Variants in SRGAP2 observed in about 807,000 individuals in gnomAD.
SRGAP2 encodes SLIT-ROBO Rho GTPase-activating protein 2.
A neutral mutation model predicts 57.2 loss-of-function variants in SRGAP2; 15 were observed. The ratio of observed to expected loss-of-function variants is 0.26; its 90% CI spans 0.18 to 0.40. The LOEUF is 0.40. SRGAP2 is among the 10% of genes least tolerant of loss of function. The probability of loss-of-function intolerance (pLI) is 1.00; values close to 1 mark genes in which losing one functional copy is unlikely to be tolerated. For synonymous variants in SRGAP2, 249 were observed against 248.0 expected, an observed-to-expected ratio of 1.00 and a Z score of -0.04; for missense variants, 520 against 669.6, an observed-to-expected ratio of 0.78 and a Z score of 2.47.
intron 4 of SRGAP2, among the ~76,000 whole-genome samples, chr1:206,346,932 A>G (rs1675674190): frequency 6.6e-6 from 1 of 151,904 alleles, no homozygotes; most frequent in Non-Finnish European, 1.5e-5. Flanking sequence ...TTATGAAGGA[A>G]GAAACTATGG....
chr1:206,309,269 C>G (rs1553323088), intron 3 of SRGAP2, among the ~76,000 whole-genome samples: 1 of 150,332 alleles, frequency 6.7e-6, no homozygotes, highest in Non-Finnish European at 1.5e-5. Context: ...CAGCTATTTT[C>G]AAGAGCAGTG....
chr1:206,322,081 TTATC>T (rs1461422940), intron 3 of SRGAP2, among the ~76,000 whole-genome samples: 2 of 148,980 alleles, frequency 1.3e-5, no homozygotes, highest in Non-Finnish European at 3.0e-5. Flanking sequence ...AGCTATTTCT[TTATC>T]TGTCTGTATA....
At chr1:206,397,258 C>T (rs535075568) in intron 7 of SRGAP2, among the ~76,000 whole-genome samples, 131 of 151,922 alleles carry the variant, frequency 8.6e-4, no homozygotes, top group African/African-American at 2.9e-3. Context: ...TTGCATGTAT[C>T]GGTAGTGTCT....
chr1:206,280,133 G>C (rs1255128356), intron 2 of SRGAP2, among the ~76,000 whole-genome samples: 1 of 151,648 alleles, frequency 6.6e-6, no homozygotes, highest in Non-Finnish European at 1.5e-5. Context: ...TTCCTCTTAA[G>C]ACAAGGTTTC....
intron 2 of SRGAP2, among the ~76,000 whole-genome samples, chr1:206,285,633 G>T (rs1381423185): frequency 6.6e-6 from 1 of 151,984 alleles, no homozygotes; most frequent in African/African-American, 2.4e-5. Flanking sequence ...ATTTGAAAGG[G>T]ATATTCTTAT....
At chr1:206,442,797 G>A (rs1484828149) in intron 17 of SRGAP2, among the ~76,000 whole-genome samples, 1 of 152,318 alleles carries the variant, frequency 6.6e-6, no homozygotes, top group Admixed American at 6.5e-5. Context: ...GACAGCAGCT[G>A]ACAGGTGTGC....
intron 13 of SRGAP2, among the ~76,000 whole-genome samples, chr1:206,422,230 T>C (rs1286892408): frequency 1.3e-5 from 2 of 152,344 alleles, no homozygotes; most frequent in Non-Finnish European, 2.9e-5. Context: ...TTTCTTCAGC[T>C]CATCTGACTG....
intron 2 of SRGAP2, among the ~76,000 whole-genome samples, chr1:206,228,927 G>A (rs1239839038): frequency 2.1e-4 from 32 of 149,746 alleles, no homozygotes; most frequent in Non-Finnish European, 4.0e-4. Context: ...TATACCAAGT[G>A]CAAGAACCTG....
chr1:206,287,232 C>T (rs1318606277), intron 2 of SRGAP2, among the ~76,000 whole-genome samples: 4 of 151,904 alleles, frequency 2.6e-5, no homozygotes, highest in African/African-American at 9.7e-5. Flanking sequence ...GGGGTGGGGT[C>T]AGGATGGGGT....
At chr1:206,267,853 T>C (rs1669955975) in intron 2 of SRGAP2, among the ~76,000 whole-genome samples, 1 of 150,992 alleles carries the variant, frequency 6.6e-6, no homozygotes, top group African/African-American at 2.4e-5. Flanking sequence ...TGGATGGGTT[T>C]TATGCAGAGT....
At chr1:206,309,852 GAACA>G (rs1672506335) in intron 3 of SRGAP2, among the ~76,000 whole-genome samples, 1 of 150,934 alleles carries the variant, frequency 6.6e-6, no homozygotes, top group African/African-American at 2.5e-5. Context: ...AGAAAGAGGA[GAACA>G]AAGAACTAAA....
At chr1:206,439,070 G>A (rs533441046) in intron 16 of SRGAP2, among the ~76,000 whole-genome samples, 1 of 152,296 alleles carries the variant, frequency 6.6e-6, no homozygotes, top group South Asian at 2.1e-4. Flanking sequence ...GGGCCTAGGT[G>A]AAGTATCTTA....
intron 4 of SRGAP2, among the ~76,000 whole-genome samples, chr1:206,370,114 A>G (rs1316381583): frequency 4.6e-5 from 7 of 151,248 alleles, no homozygotes; most frequent in Admixed American, 4.6e-4. Context: ...AAATACAAAA[A>G]AATTGGCCAG....
At chr1:206,373,143 T>G (rs1353266491) in intron 4 of SRGAP2, among the ~76,000 whole-genome samples, 2 of 140,448 alleles carry the variant, frequency 1.4e-5, no homozygotes, top group South Asian at 2.4e-4. Flanking sequence ...TCACCCAGGC[T>G]GGAGGGCAGT....
chr1:206,222,728 G>A (rs1667076938), intron 2 of SRGAP2, among the ~76,000 whole-genome samples: 1 of 151,704 alleles, frequency 6.6e-6, no homozygotes, highest in Admixed American at 6.6e-5. Context: ...TTAGAAGATA[G>A]AAAAGTAGGT....
rs1553380953 is a variant in SRGAP2, at chr1:206,461,808, G to A, written c.*388G>A. 5 of 193,150 alleles carry A rather than the reference G, an allele frequency of 2.6e-5. No homozygotes were observed. In the South Asian group the frequency reaches 6.4e-4, roughly 25 times the overall value. The allele number at this position is 193,150 out of a possible 1,614,324, so 12.0% of individuals were successfully genotyped here. On this transcript the variant is annotated 3_prime_UTR_variant, in exon 23 of 23. Transcript: ENST00000573034. ...TGGCTACTGCCATCCAGCTTTCAGT[G>A]GCATCTTGTTTTGGGAACTGATTAT... is the stretch of plus-strand genomic sequence containing the variant.
At chr1:206,321,543 G>GT (rs1673452085) in intron 3 of SRGAP2, among the ~76,000 whole-genome samples, 1 of 90,576 alleles carries the variant, frequency 1.1e-5, no homozygotes, top group Non-Finnish European at 2.2e-5. Context: ...TATTATGATG[G>GT]TTACCAAATA....
intron 3 of SRGAP2, among the ~76,000 whole-genome samples, chr1:206,306,299 G>A (rs1268951851): frequency 6.4e-4 from 97 of 152,086 alleles, no homozygotes; most frequent in African/African-American, 2.2e-3. Flanking sequence ...CTTCTGGTGG[G>A]TTCGTGGTCT....
At chr1:206,266,910 T>A (rs1480821786) in intron 2 of SRGAP2, among the ~76,000 whole-genome samples, 1 of 145,316 alleles carries the variant, frequency 6.9e-6, no homozygotes, top group African/African-American at 2.6e-5. Context: ...TAGAGGCATA[T>A]CTTCTGATTC....
Sources: gnomAD v4.1 joint callset for allele counts (sites outside exome capture counted in the v4.1 genomes callset) on GRCh38, gnomAD v4.1.1 for gene constraint, MANE v1.5 for transcripts, NCBI Gene and HGNC (gene_info 2026-07-23, HGNC 2026-07-21) for gene names.